Variants in AUTS2 observed in about 807,000 individuals in gnomAD.
AUTS2 encodes autism susceptibility gene 2 protein.
In AUTS2, 17 loss-of-function variants were observed where a neutral mutation model predicts 112.4. The observed-to-expected ratio is 0.15, with a 90% CI of 0.10 to 0.23. AUTS2 has a LOEUF of 0.23. Ranked by LOEUF, AUTS2 falls within the 10% of genes least tolerant of loss-of-function variation. The pLI, the probability that AUTS2 is intolerant of heterozygous loss-of-function variation, is 1.00. For synonymous variants in AUTS2, 751 were observed against 702.7 expected (o/e 1.07, Z -1.09); for missense variants, 1,510 against 1,701.6 (o/e 0.89, Z 1.98).
intron 13 of AUTS2, 143 bp downstream of exon 13, chr7:70,775,529 T>C: frequency 2.9e-6 from 2 of 698,472 alleles, no homozygotes; most frequent in Non-Finnish European, 4.7e-6. Context: ...TTTCAGATAG[T>C]GTGATTGAAA....
chr7:70,606,282 TTTAGGAC>T (rs1223483790), intron 5 of AUTS2, among the ~76,000 whole-genome samples: 175 of 152,310 alleles, frequency 1.1e-3, no homozygotes, highest in African/African-American at 4.1e-3. Flanking sequence ...AACTAGACGA[TTTAGGAC>T]TTAGGACTGA....
chr7:69,799,459 C>T (rs962993285), intron 1 of AUTS2, among the ~76,000 whole-genome samples: 2 of 152,088 alleles, frequency 1.3e-5, no homozygotes, highest in African/African-American at 2.4e-5. Context: ...CCAGGTGCCT[C>T]TGAGGTCCAG....
intron 6 of AUTS2, among the ~76,000 whole-genome samples, chr7:70,747,616 A>T (rs528568913): frequency 6.6e-6 from 1 of 151,168 alleles, no homozygotes; most frequent in East Asian, 1.9e-4. Context: ...CCACCACCAC[A>T]CCTGGCTATG....
At chr7:70,254,447 G>A (rs1461921851) in intron 4 of AUTS2, among the ~76,000 whole-genome samples, 1 of 151,830 alleles carries the variant, frequency 6.6e-6, no homozygotes, top group Non-Finnish European at 1.5e-5. Flanking sequence ...AATTCCAGGT[G>A]CTCTGTAACC....
rs149543354 is a variant in AUTS2, at chr7:70,196,519, C to T, written c.660+61948C>T. Among the ~76,000 whole-genome samples the T allele has an allele frequency of 2.5e-3, 377 of 152,264 alleles. 1 individual carries two copies. The highest frequency in any genetic ancestry group is 8.6e-3 in the African/African-American group (357 of 41,550). On this transcript the variant is annotated intron_variant, in intron 4 of 18. Transcript: ENST00000342771. ...ATTCAGAGCATGTCACTTGGAACCCCCTCATGCCATGTTCTTCTCTAGGCG... is the reference window on the plus strand; with the variant it reads ...ATTCAGAGCATGTCACTTGGAACCCTCTCATGCCATGTTCTTCTCTAGGCG...
chr7:70,247,969 T>C (rs1813013196), intron 4 of AUTS2, among the ~76,000 whole-genome samples: 1 of 152,216 alleles, frequency 6.6e-6, no homozygotes, highest in African/African-American at 2.4e-5. Context: ...AGATGATTTA[T>C]TGAAATGATG....
intron 2 of AUTS2, among the ~76,000 whole-genome samples, chr7:70,013,166 T>A (rs1255538194): frequency 6.6e-6 from 1 of 152,178 alleles, no homozygotes; most frequent in Non-Finnish European, 1.5e-5. Context: ...TACCTACCTG[T>A]GATGCGATGA....
chr7:70,765,040 C>T (rs780333398), intron 8 of AUTS2, 35 bp downstream of exon 8: 7 of 1,610,190 alleles, frequency 4.3e-6, no homozygotes, highest in Non-Finnish European at 5.9e-6. Context: ...TGACCCCGAC[C>T]CCCACCGCCC....
intron 2 of AUTS2, among the ~76,000 whole-genome samples, chr7:69,907,922 C>T (rs1795210408): frequency 6.6e-6 from 1 of 152,126 alleles, no homozygotes; most frequent in South Asian, 2.1e-4. Flanking sequence ...TTTGCTAAAG[C>T]ATTAGTAGCA....
Position 70,432,567 on chromosome 7 carries a change from C to T in AUTS2, c.661-3185C>T, listed in dbSNP as rs976530435. Among the ~76,000 whole-genome samples the T allele has an allele frequency of 7.9e-5, 12 of 152,180 alleles. No homozygotes were observed. The South Asian group carries it at 8.3e-4, about 11-fold the overall frequency. Reference sequence around the variant, plus strand: ...AGAAAGACTCCTTAGGACTGTGGCTCGCTTTCCGTCTGGGGTTGTCAACAA... The same window carrying T: ...AGAAAGACTCCTTAGGACTGTGGCTTGCTTTCCGTCTGGGGTTGTCAACAA... On this transcript the variant is annotated intron_variant, in intron 4 of 18. Coordinates refer to ENST00000342771, the MANE Select transcript of AUTS2 (RefSeq NM_015570.4).
At chr7:70,596,272 G>C (rs1387098291) in intron 5 of AUTS2, 4 of 152,174 alleles carry the variant, frequency 2.6e-5, no homozygotes, top group Admixed American at 2.6e-4. Context: ...AGCTCCCGCG[G>C]AGCCGGCTGC....
intron 15 of AUTS2, 57 bp from the exon 16 acceptor site, chr7:70,784,885 T>C (rs1486008620): frequency 1.3e-6 from 2 of 1,527,148 alleles, no homozygotes; most frequent in Non-Finnish European, 1.8e-6. Flanking sequence ...AGAAGCCGGT[T>C]GCATCTTCGA....
chr7:69,923,586 G>A (rs1422282115), intron 2 of AUTS2, among the ~76,000 whole-genome samples: 1 of 152,132 alleles, frequency 6.6e-6, no homozygotes, highest in African/African-American at 2.4e-5. Flanking sequence ...TTCAACTCTC[G>A]AACAAGGTCT....
intron 2 of AUTS2, among the ~76,000 whole-genome samples, chr7:70,008,580 A>G (rs903372525): frequency 6.6e-6 from 1 of 152,194 alleles, no homozygotes; most frequent in Admixed American, 6.5e-5. Context: ...TTTTTGTCTT[A>G]AAAGCACCCA....
chr7:69,793,762 A>T (rs1214933454), intron 1 of AUTS2, among the ~76,000 whole-genome samples: 1 of 152,000 alleles, frequency 6.6e-6, no homozygotes, highest in Non-Finnish European at 1.5e-5. Context: ...ATTTAAAAAC[A>T]TTAAATTTTT....
intron 4 of AUTS2, among the ~76,000 whole-genome samples, chr7:70,156,499 C>T (rs961254573): frequency 6.6e-6 from 1 of 152,000 alleles, no homozygotes; most frequent in Admixed American, 6.6e-5. Flanking sequence ...AAGAGATTTC[C>T]GAGTTAATCC....
intron 1 of AUTS2, among the ~76,000 whole-genome samples, chr7:69,778,708 G>T (rs544659693): frequency 3.6e-4 from 55 of 152,262 alleles, no homozygotes; most frequent in African/African-American, 1.2e-3. Flanking sequence ...TGGTTTTCTA[G>T]CTGTTTCTTG....
rs972125031 is a variant in AUTS2 at position 70,052,475 on chromosome 7, A to G, written c.523-65657A>G. The stretch of plus-strand genomic sequence containing the variant: ...AGCTTAGAGAGATTTTCCCAGTCAT[A>G]TATATTCACGGTTCCTGGATACAGC... On this transcript the variant is annotated intron_variant, in intron 2 of 18. Transcript: ENST00000342771. 2.0e-5 allele frequency among the ~76,000 whole-genome samples: 3 copies of G among 152,156 alleles called. No individual in the cohort carries two copies. The South Asian group carries it at 6.2e-4, about 32-fold the overall frequency.
At chr7:70,530,510 C>G (rs1020718027) in intron 5 of AUTS2, among the ~76,000 whole-genome samples, 2 of 152,120 alleles carry the variant, frequency 1.3e-5, no homozygotes, top group Non-Finnish European at 2.9e-5. Flanking sequence ...ACCTTATGCT[C>G]AAGCCTTTCT....
Sources: allele counts gnomAD v4.1 joint callset (sites outside exome capture counted in the v4.1 genomes callset), GRCh38; gene constraint gnomAD v4.1.1; transcripts MANE v1.5; gene names NCBI Gene and HGNC (gene_info 2026-07-23, HGNC 2026-07-21).